The following KYNU variants were observed in gnomAD, a reference collection of about 807,000 sequenced individuals.
KYNU encodes the protein kynureninase.
KYNU carries 54 observed loss-of-function variants against 59.2 expected under a neutral mutation model. The ratio of observed to expected loss-of-function variants is 0.91; its 90% CI spans 0.73 to 1.14. The LOEUF (loss-of-function observed/expected upper bound fraction) is 1.14, where lower values mean the gene tolerates loss of function less well. Among genes scored for constraint, KYNU ranks in the 50% most tolerant of loss-of-function variants. KYNU has a pLI of 0.00. For synonymous variants in KYNU, 177 were observed against 192.0 expected (o/e 0.92, Z 0.65); for missense variants, 567 against 554.4 (o/e 1.02, Z -0.23).
chr2:143,033,353 C>T, intron 12 of KYNU, 32 bp downstream of exon 12: 1 of 1,494,486 alleles, frequency 6.7e-7, no homozygotes, highest in Non-Finnish European at 9.3e-7. Context: ...CTTCCCACAT[C>T]TTTGCGTTTT....
intron 1 of KYNU, among the ~76,000 whole-genome samples, chr2:142,878,003 C>T (rs966473755): frequency 3.9e-5 from 6 of 152,096 alleles, no homozygotes; most frequent in Admixed American, 3.9e-4. Flanking sequence ...AATATGGTTA[C>T]ATTTGACAAA....
chr2:142,956,724 T>TTTA (rs1301535488), intron 6 of KYNU, among the ~76,000 whole-genome samples: 1 of 152,170 alleles, frequency 6.6e-6, no homozygotes, highest in Non-Finnish European at 1.5e-5. Context: ...CAAAATATTA[T>TTTA]TTATTAGAGA....
intron 4 of KYNU, among the ~76,000 whole-genome samples, chr2:142,931,374 C>T (rs1374253787): frequency 6.6e-6 from 1 of 152,114 alleles, no homozygotes; most frequent in East Asian, 1.9e-4. Flanking sequence ...TCTTGAGAGA[C>T]GGGTTGGTAT....
intron 2 of KYNU, among the ~76,000 whole-genome samples, chr2:142,893,423 G>A (rs1440418512): frequency 6.6e-6 from 1 of 152,184 alleles, no homozygotes; most frequent in Non-Finnish European, 1.5e-5. Flanking sequence ...TTAGCAGTCA[G>A]GAGAGCTTTA....
Position 143,034,350 on chromosome 2 carries a change from T to G in KYNU, c.1041+1029T>G, listed in dbSNP as rs1366144074. Among the ~76,000 whole-genome samples the G allele has an allele frequency of 2.6e-5, 4 of 152,186 alleles. No individual in the cohort carries two copies. The East Asian group carries it at 7.7e-4, about 29-fold the overall frequency. ...TTTATGATATTTTGGCAAAAACTTATAGAGGATTTCAGCATCAAATGAGTG... is the reference window on the plus strand; with the variant it reads ...TTTATGATATTTTGGCAAAAACTTAGAGAGGATTTCAGCATCAAATGAGTG... On this transcript the variant is annotated intron_variant, in intron 12 of 13. Coordinates refer to ENST00000264170, the MANE Select transcript of KYNU (RefSeq NM_003937.3).
intron 9 of KYNU, 92 bp from the exon 10 acceptor site, chr2:142,985,856 G>A: frequency 1.2e-6 from 1 of 808,250 alleles, no homozygotes; most frequent in South Asian, 1.5e-5. Context: ...ATCAAATGTT[G>A]TGGTTTCAAT....
chr2:143,031,538 A>G (rs1439075194), intron 11 of KYNU, among the ~76,000 whole-genome samples: 1 of 151,596 alleles, frequency 6.6e-6, no homozygotes, highest in Non-Finnish European at 1.5e-5. Context: ...AGCCTGGGTG[A>G]CATAGTGAGA....
chr2:143,040,641 G>GA lies in KYNU; in HGVS notation c.1261dup (p.Arg421LysfsTer6). 1.3e-6 allele frequency: 2 copies of GA among 1,599,392 alleles called. No individual in the cohort carries two copies. Among genetic ancestry groups the GA allele is most frequent in the Non-Finnish European group, 8.5e-7 (1 of 1,172,478 alleles). ...AAACAAAGATGTTTTCCAAGAACTA[G>GA]AAAAAAGAGGAGTGGTTGTAAGTAT... On this transcript the variant is annotated frameshift_variant, in exon 13 of 14. Coordinates refer to ENST00000264170, the MANE Select transcript of KYNU (RefSeq NM_003937.3). LOFTEE classifies it high-confidence loss of function.
intron 3 of KYNU, among the ~76,000 whole-genome samples, chr2:142,926,139 G>T (rs1215911102): frequency 2.0e-5 from 3 of 152,052 alleles, no homozygotes; most frequent in Non-Finnish European, 4.4e-5. Context: ...GGGGGTGAGG[G>T]GCTAAGGGAG....
At chr2:142,908,646 T>TTG (rs1250668408) in intron 2 of KYNU, among the ~76,000 whole-genome samples, 2 of 151,972 alleles carry the variant, frequency 1.3e-5, no homozygotes, top group African/African-American at 4.8e-5. Flanking sequence ...ATCAATTTTT[T>TTG]TTTTTTGAGA....
chr2:142,930,585 G>C (rs1443789867), intron 4 of KYNU, among the ~76,000 whole-genome samples: 1 of 152,154 alleles, frequency 6.6e-6, no homozygotes, highest in Non-Finnish European at 1.5e-5. Flanking sequence ...CCTCTTGGCT[G>C]CCTTTTCACT....
intron 8 of KYNU, among the ~76,000 whole-genome samples, chr2:142,961,600 C>A (rs188667613): frequency 6.6e-6 from 1 of 152,128 alleles, no homozygotes; most frequent in African/African-American, 2.4e-5. Flanking sequence ...TTTAAGGAGG[C>A]CATTTTATTC....
At chr2:142,899,590 T>C (rs546362355) in intron 2 of KYNU, among the ~76,000 whole-genome samples, 1 of 152,314 alleles carries the variant, frequency 6.6e-6, no homozygotes, top group South Asian at 2.1e-4. Flanking sequence ...GTAGGGGTCG[T>C]GCAATTGAGA....
chr2:142,976,547 T>A (rs565201164), intron 8 of KYNU, among the ~76,000 whole-genome samples: 1 of 152,324 alleles, frequency 6.6e-6, no homozygotes, highest in South Asian at 2.1e-4. Context: ...TTTGTAATGA[T>A]CGCCTTCTCT....
At chr2:142,925,564 A>G (rs986756854) in intron 3 of KYNU, among the ~76,000 whole-genome samples, 2 of 152,174 alleles carry the variant, frequency 1.3e-5, no homozygotes, top group Non-Finnish European at 2.9e-5. Flanking sequence ...CCATATTGTT[A>G]CCCATTTACT....
chr2:143,029,893 T>C (rs1233642342), intron 11 of KYNU, among the ~76,000 whole-genome samples: 1 of 152,098 alleles, frequency 6.6e-6, no homozygotes, highest in African/African-American at 2.4e-5. Flanking sequence ...AGCAGGGAGA[T>C]AAAAGAAAAT....
intron 10 of KYNU, among the ~76,000 whole-genome samples, chr2:142,998,475 A>ATGT (rs1685609725): frequency 6.6e-6 from 1 of 152,094 alleles, no homozygotes; most frequent in South Asian, 2.1e-4. Flanking sequence ...TCGTGTTTAA[A>ATGT]TGTTGTTTTG....
chr2:142,983,996 CT>C (rs1217913070), intron 8 of KYNU, among the ~76,000 whole-genome samples: 4 of 152,072 alleles, frequency 2.6e-5, no homozygotes, highest in African/African-American at 9.6e-5. Flanking sequence ...GTTGAATAGC[CT>C]TTCCGTCAAT....
intron 9 of KYNU, 136 bp downstream of exon 9, chr2:142,985,318 T>C: frequency 1.5e-6 from 1 of 686,924 alleles, no homozygotes; most frequent in Admixed American, 2.1e-5. Context: ...CTGCTTTTTG[T>C]TAATCGAGTT....
Sources: allele counts gnomAD v4.1 joint callset (sites outside exome capture counted in the v4.1 genomes callset), GRCh38; gene constraint gnomAD v4.1.1; transcripts MANE v1.5; gene names NCBI Gene and HGNC (gene_info 2026-07-23, HGNC 2026-07-21).